THAP9: variants seen among roughly 807,000 people sequenced by gnomAD.
THAP9 encodes THAP domain containing 9.
THAP9 carries 20 observed loss-of-function variants against 35.7 expected under a neutral mutation model. That is an observed-to-expected ratio of 0.56 (90% CI 0.39 to 0.81). The LOEUF is 0.81. THAP9 is among the 40% of genes least tolerant of loss of function. The pLI, the probability that THAP9 is intolerant of heterozygous loss-of-function variation, is 0.00. For missense variants in THAP9, 870 were observed against 1,047.4 expected, an observed-to-expected ratio of 0.83 and a Z score of 2.34; for synonymous variants, 335 against 373.7, an observed-to-expected ratio of 0.90 and a Z score of 1.19.
rs1283878943 is a variant in THAP9 at position 82,918,596 on chromosome 4, G to A, written c.2384G>A (p.Arg795Lys). Residue 795 changes from arginine to lysine, a missense_variant, in exon 5 of 5, where the codon AGG (arginine) becomes AAG (lysine). Arg to Lys is a conservative substitution (Grantham distance 26). This residue lies in a region of THAP9 where 414 missense variants were observed against 500.8 expected (regional missense o/e 0.83). Transcript: ENST00000302236. Reference sequence around the variant, plus strand: ...ATTTTTGAACTAGTTTCTAAACAAAGGGAATTGTATCTTCAACAGAAAATA... The same window carrying A: ...ATTTTTGAACTAGTTTCTAAACAAAAGGAATTGTATCTTCAACAGAAAATA... ...MAIFELVSKQ[R>K]ELYLQQKILC... 6.2e-7 allele frequency: 1 copy of A among 1,613,964 alleles called. No homozygotes were observed. The highest frequency in any genetic ancestry group is 8.5e-7 in the Non-Finnish European group (1 of 1,179,974).
intron 4 of THAP9, among the ~76,000 whole-genome samples, chr4:82,913,895 C>A (rs11099559): frequency 0.54 from 81,452 of 150,618 alleles, 23,928 homozygotes; most frequent in East Asian, 0.78. Context: ...CACCACTGAG[C>A]CTGGCTAATT....
intron 1 of THAP9, 23 bp from the exon 2 acceptor site, chr4:82,904,713 G>T (rs1300518201): frequency 1.9e-6 from 3 of 1,610,118 alleles, no homozygotes; most frequent in African/African-American, 2.7e-5. Context: ...CATGTTAATG[G>T]AACTTTAATG....
At chr4:82,901,096 G>T in intron 1 of THAP9, 2 of 709,218 alleles carry the variant, frequency 2.8e-6, no homozygotes, top group Non-Finnish European at 5.1e-6. Context: ...TGAATAGCCG[G>T]TTCTCGCACC....
At chr4:82,913,942 G>A (rs548768005) in intron 4 of THAP9, among the ~76,000 whole-genome samples, 1 of 151,852 alleles carries the variant, frequency 6.6e-6, no homozygotes, top group East Asian at 1.9e-4. Context: ...TCACCGTATT[G>A]GCCAGGCTGG....
rs1183742566 is a variant in THAP9 at position 82,906,361 on chromosome 4, A to T, written c.314A>T (p.Gln105Leu). ...GTACATCTTAAAGGTAAAGCAAGAC[A>T]AAAAATCCTAAAACAACCTCTTCCA... ...QGVHLKGKARQKILKQPLPDN... is the reference protein window; with the variant it reads ...QGVHLKGKARLKILKQPLPDN... The change falls in exon 3 of 5, where the codon CAA (glutamine) becomes CTA (leucine). Residue 105 changes from glutamine to leucine, a missense_variant. This residue lies in a region of THAP9 where 440 missense variants were observed against 501.2 expected (regional missense o/e 0.88). Coordinates refer to ENST00000302236, the MANE Select transcript of THAP9 (RefSeq NM_024672.6). The T allele has an allele frequency of 1.9e-6, 3 of 1,607,512 alleles. No individual in the cohort carries two copies. Among genetic ancestry groups the T allele is most frequent in the Non-Finnish European group, 2.5e-6 (3 of 1,176,642 alleles).
chr4:82,906,040 A>C (rs1720633732), intron 2 of THAP9: 3 of 411,876 alleles, frequency 7.3e-6, no homozygotes, highest in East Asian at 6.3e-5. Flanking sequence ...ACTGCTTAAA[A>C]CTCACTTCCA....
rs760528923 is a variant in THAP9 at position 82,906,400 on chromosome 4, A to C, written c.353A>C (p.Glu118Ala). 5 of 1,613,444 alleles carry C rather than the reference A, an allele frequency of 3.1e-6. No homozygotes were observed. The highest frequency in any genetic ancestry group is 1.6e-4 in the Middle Eastern group (1 of 6,082). ...CAACCTCTTCCAGACAATTCTCAAG[A>C]AGTTGCTACTGAGGACCATAACTAT... is the stretch of plus-strand genomic sequence containing the variant. ...LKQPLPDNSQ[E>A]VATEDHNYSL... Residue 118 changes from glutamate to alanine, a missense_variant, in exon 3 of 5, where the codon GAA (glutamate) becomes GCA (alanine). Physicochemically the swap from Glu to Ala is moderately radical, Grantham distance 107 (BLOSUM62 -1). Around this residue, in one of 3 missense-constraint regions of THAP9, gnomAD observed 440 missense variants for 501.2 expected, o/e 0.88. Transcript: ENST00000302236.
chr4:82,918,561 A>G lies in THAP9; in HGVS notation c.2349A>G (p.Ser783=). ...NICERVVRTH[S]RMAIFELVSK... ...GTGAGCGAGTTGTAAGAACCCATTC[A>G]AGAATGGCAATTTTTGAACTAGTTT... is the stretch of plus-strand genomic sequence containing the variant. The change falls in exon 5 of 5, where the codon TCA becomes TCG. Residue 783 remains serine (S), a synonymous_variant. Coordinates refer to ENST00000302236, the MANE Select transcript of THAP9 (RefSeq NM_024672.6). 1.9e-6 allele frequency: 3 copies of G among 1,614,074 alleles called. No homozygotes were observed. The highest frequency in any genetic ancestry group is 2.2e-5 in the South Asian group (2 of 91,084).
intron 4 of THAP9, chr4:82,910,742 T>C: frequency 2.0e-6 from 1 of 496,546 alleles, no homozygotes; most frequent in Non-Finnish European, 3.8e-6. Flanking sequence ...TGTGATGGCC[T>C]GGAAGCCAAG....
chr4:82,904,750 C>T lies in THAP9; in HGVS notation c.95C>T (p.Thr32Ile). ...GATTGTCATAGATTTCCAACTGATA[C>T]CATACAGCGCTCAAAATGGATCAGG... ...GLSFHQFPTD[T>I]IQRSKWIRAV... Residue 32 changes from threonine to isoleucine, a missense_variant, in exon 2 of 5, where the codon ACC becomes ATC. Coordinates refer to ENST00000302236, the MANE Select transcript of THAP9 (RefSeq NM_024672.6). 6.2e-7 allele frequency: 1 copy of T among 1,614,062 alleles called. No individual in the cohort carries two copies. Among genetic ancestry groups the T allele is most frequent in the African/African-American group, 1.3e-5 (1 of 75,008 alleles).
Position 82,906,551 on chromosome 4 carries a change from A to G in THAP9, c.504A>G (p.Leu168=). The part of the protein sequence containing the change: ...NYRMIKKRKG[L]RLIDALVEEK... Reference sequence around the variant, plus strand: ...GGATGATCAAGAAGAGAAAGGGTTTACGATTAATTGATGCACTTGTAGAAG... The same window carrying G: ...GGATGATCAAGAAGAGAAAGGGTTTGCGATTAATTGATGCACTTGTAGAAG... The change falls in exon 3 of 5, where the codon TTA becomes TTG. Residue 168 remains leucine (L), a synonymous_variant. Transcript: ENST00000302236. 2 of 1,613,480 alleles carry G rather than the reference A, an allele frequency of 1.2e-6. No individual in the cohort carries two copies. The highest frequency in any genetic ancestry group is 1.7e-6 in the Non-Finnish European group (2 of 1,179,694).
intron 4 of THAP9, among the ~76,000 whole-genome samples, chr4:82,915,277 G>A (rs1468393934): frequency 1.4e-5 from 2 of 139,670 alleles, no homozygotes; most frequent in African/African-American, 2.7e-5. Flanking sequence ...GTTTTGTTTT[G>A]AGACAGTTTT....
chr4:82,912,279 A>G (rs1720890290), intron 4 of THAP9, among the ~76,000 whole-genome samples: 1 of 152,182 alleles, frequency 6.6e-6, no homozygotes, highest in African/African-American at 2.4e-5. Flanking sequence ...ATGCTGGCAC[A>G]GTTGCTCTTT....
chr4:82,906,063 A>G (rs1348572289), intron 2 of THAP9: 4 of 417,686 alleles, frequency 9.6e-6, no homozygotes, highest in Non-Finnish European at 1.4e-5. Context: ...AAGCCATCCC[A>G]GTTTACTACC....
chr4:82,911,952 A>C (rs1429045569), intron 4 of THAP9, among the ~76,000 whole-genome samples: 1 of 152,166 alleles, frequency 6.6e-6, no homozygotes. Flanking sequence ...ACCAAACTAG[A>C]CTTAAATTTT....
intron 1 of THAP9, among the ~76,000 whole-genome samples, chr4:82,902,105 CT>C (rs768693634): frequency 5.1e-4 from 53 of 104,480 alleles, no homozygotes; most frequent in African/African-American, 1.8e-3. Flanking sequence ...CATTTTCCTT[CT>C]TTTTTTTTTT....
intron 4 of THAP9, among the ~76,000 whole-genome samples, chr4:82,913,650 A>G (rs767103566): frequency 6.6e-6 from 1 of 151,998 alleles, no homozygotes; most frequent in Non-Finnish European, 1.5e-5. Context: ...GGTTTGTTGT[A>G]CAGATTATTT....
chr4:82,902,132 G>A (rs1180705172), intron 1 of THAP9, among the ~76,000 whole-genome samples: 2 of 104,620 alleles, frequency 1.9e-5, no homozygotes, highest in Non-Finnish European at 3.6e-5. Flanking sequence ...TTTTGGAGAC[G>A]GGGTCTCACT....
At chr4:82,915,855 A>G (rs952058324) in intron 4 of THAP9, among the ~76,000 whole-genome samples, 2 of 152,150 alleles carry the variant, frequency 1.3e-5, no homozygotes, top group Non-Finnish European at 2.9e-5. Flanking sequence ...TTGAAAAAAA[A>G]GTCATGTATA....
Sources: gnomAD v4.1 joint callset for allele counts (sites outside exome capture counted in the v4.1 genomes callset) on GRCh38, gnomAD v4.1.1 for gene constraint, gnomAD v4.1.1 regional missense constraint, MANE v1.5 for transcripts, NCBI Gene and HGNC (gene_info 2026-07-23, HGNC 2026-07-21) for gene names.